Variants in CACNA2D3 observed in about 807,000 individuals in gnomAD.
The protein encoded by CACNA2D3 is calcium voltage-gated channel auxiliary subunit alpha2delta 3.
Under a neutral mutation model 160.6 loss-of-function variants are expected in CACNA2D3, and 60 were observed. The ratio of observed to expected loss-of-function variants is 0.37; its 90% confidence interval spans 0.30 to 0.46. CACNA2D3 has a LOEUF of 0.46. CACNA2D3 is among the 20% of genes least tolerant of loss of function. The pLI is 1.00. For synonymous variants in CACNA2D3, 558 were observed against 492.9 expected (o/e 1.13, Z -1.75); for missense variants, 1,205 against 1,365.0 (o/e 0.88, Z 1.85).
chr3:54,857,217 T>G (rs1017997030), intron 17 of CACNA2D3, among the ~76,000 whole-genome samples: 2 of 152,160 alleles, frequency 1.3e-5, no homozygotes, highest in Non-Finnish European at 2.9e-5. Context: ...GTTCATAGAT[T>G]TAGGCCAGAT....
At chr3:54,374,651 C>T (rs1198666417) in intron 3 of CACNA2D3, among the ~76,000 whole-genome samples, 1 of 152,178 alleles carries the variant, frequency 6.6e-6, no homozygotes, top group Non-Finnish European at 1.5e-5. Flanking sequence ...TGGACACCCC[C>T]TGGAGGCAGT....
intron 27 of CACNA2D3, among the ~76,000 whole-genome samples, chr3:54,961,974 A>G (rs1221927109): frequency 6.6e-6 from 1 of 152,126 alleles, no homozygotes; most frequent in Non-Finnish European, 1.5e-5. Context: ...AGGGCATGGC[A>G]TCGTGAGGGG....
chr3:54,425,111 C>T (rs1699893399), intron 4 of CACNA2D3, among the ~76,000 whole-genome samples: 1 of 152,294 alleles, frequency 6.6e-6, no homozygotes, highest in Non-Finnish European at 1.5e-5. Context: ...AGGTGTATCG[C>T]CTGAGGTCAG....
chr3:54,275,060 A>G (rs537017664), intron 2 of CACNA2D3, among the ~76,000 whole-genome samples: 2 of 152,254 alleles, frequency 1.3e-5, no homozygotes, highest in African/African-American at 2.4e-5. Context: ...CCTGCCGCAG[A>G]CAATCCTGCT....
intron 2 of CACNA2D3, among the ~76,000 whole-genome samples, chr3:54,260,778 T>A (rs905563523): frequency 6.6e-6 from 1 of 152,028 alleles, no homozygotes; most frequent in Non-Finnish European, 1.5e-5. Context: ...TCACAATCCC[T>A]CTGCCTTGAG....
At chr3:54,581,706 G>A in intron 8 of CACNA2D3, 97 bp from the exon 9 acceptor site, 1 of 906,146 alleles carries the variant, frequency 1.1e-6, no homozygotes, top group Non-Finnish European at 1.8e-6. Context: ...CTGTGATTGT[G>A]CCGCTTTTTT....
chr3:54,551,880 G>T (rs919528688), intron 5 of CACNA2D3, among the ~76,000 whole-genome samples: 1 of 152,198 alleles, frequency 6.6e-6, no homozygotes, highest in Non-Finnish European at 1.5e-5. Flanking sequence ...TCCAGCCAGA[G>T]CCAAAAGGAA....
intron 14 of CACNA2D3, among the ~76,000 whole-genome samples, chr3:54,825,979 T>G (rs1381525307): frequency 6.6e-6 from 1 of 152,220 alleles, no homozygotes; most frequent in Non-Finnish European, 1.5e-5. Flanking sequence ...GCATAGCTTT[T>G]CTTTACTTTT....
Position 54,939,814 on chromosome 3 carries a change from C to A in CACNA2D3, c.2450-28636C>A, listed in dbSNP as rs537778490. 1.1e-4 allele frequency among the ~76,000 whole-genome samples: 16 copies of A among 152,312 alleles called. No individual in the cohort carries two copies. The South Asian group carries it at 3.3e-3, about 32-fold the overall frequency. ...ATGGCATTTTGTGGGCCTGCTCCTG[C>A]CCTTCGGCCCACATGATTGTTTGGA... On this transcript the variant is annotated intron_variant, in intron 27 of 37. Transcript: ENST00000474759.
chr3:54,851,494 G>A (rs1158939628), intron 17 of CACNA2D3, among the ~76,000 whole-genome samples: 1 of 152,198 alleles, frequency 6.6e-6, no homozygotes, highest in African/African-American at 2.4e-5. Flanking sequence ...GTCAGTTTAG[G>A]TGTACTAAGT....
chr3:54,625,992 G>A (rs1306330871), intron 9 of CACNA2D3, among the ~76,000 whole-genome samples: 1 of 152,176 alleles, frequency 6.6e-6, no homozygotes, highest in African/African-American at 2.4e-5. Flanking sequence ...GTAAGAGAAA[G>A]AAAGCCACTC....
At chr3:54,912,383 C>T (rs1429448653) in intron 27 of CACNA2D3, among the ~76,000 whole-genome samples, 2 of 152,176 alleles carry the variant, frequency 1.3e-5, no homozygotes, top group East Asian at 3.9e-4. Context: ...GCACCTGCCA[C>T]AACCTGTAAG....
chr3:54,328,034 A>T (rs531057181), intron 3 of CACNA2D3, among the ~76,000 whole-genome samples: 18 of 152,368 alleles, frequency 1.2e-4, no homozygotes, highest in Non-Finnish European at 2.5e-4. Context: ...CAATAATATG[A>T]TAAACTCTCT....
chr3:54,664,179 C>T (rs964422636), intron 11 of CACNA2D3, among the ~76,000 whole-genome samples: 1 of 152,168 alleles, frequency 6.6e-6, no homozygotes, highest in African/African-American at 2.4e-5. Flanking sequence ...CTTGGATAGG[C>T]TTTTTAGGGC....
intron 4 of CACNA2D3, among the ~76,000 whole-genome samples, chr3:54,455,492 T>A (rs933860064): frequency 2.0e-5 from 3 of 152,122 alleles, no homozygotes; most frequent in Non-Finnish European, 4.4e-5. Flanking sequence ...GACGAGTAGT[T>A]TGCAGATATT....
chr3:54,659,942 C>T (rs1341686024), intron 11 of CACNA2D3, among the ~76,000 whole-genome samples: 1 of 152,114 alleles, frequency 6.6e-6, no homozygotes, highest in Non-Finnish European at 1.5e-5. Context: ...ATGGTGTCTG[C>T]ATCCTCCCTG....
rs144502859 is a variant in CACNA2D3, at chr3:54,208,515, G to C, written c.204+84921G>C. On this transcript the variant is annotated intron_variant, in intron 2 of 37. Coordinates refer to ENST00000474759, the MANE Select transcript of CACNA2D3 (RefSeq NM_018398.3). ...TTATGGTATGGAATTGTCAATCTCT[G>C]AATGGCCTCTGCCTTGGCCCTGGAG... Among the ~76,000 whole-genome samples the C allele has an allele frequency of 5.3e-5, 8 of 152,300 alleles. No individual in the cohort carries two copies. In the East Asian group the frequency reaches 1.4e-3, roughly 26 times the overall value.
At chr3:54,823,762 CAG>C (rs1703690944) in intron 14 of CACNA2D3, among the ~76,000 whole-genome samples, 1 of 152,164 alleles carries the variant, frequency 6.6e-6, no homozygotes, top group Non-Finnish European at 1.5e-5. Flanking sequence ...TGTGTACAAA[CAG>C]ATGTACAAAA....
At chr3:54,275,498 A>G (rs1040715956) in intron 2 of CACNA2D3, among the ~76,000 whole-genome samples, 2 of 152,226 alleles carry the variant, frequency 1.3e-5, no homozygotes, top group Non-Finnish European at 2.9e-5. Flanking sequence ...ATAATAATAT[A>G]TGTGCTTATT....
Sources: allele counts gnomAD v4.1 joint callset (sites outside exome capture counted in the v4.1 genomes callset), GRCh38; gene constraint gnomAD v4.1.1; transcripts MANE v1.5; gene names NCBI Gene and HGNC (gene_info 2026-07-23, HGNC 2026-07-21).